Variants in CADPS observed in about 807,000 individuals in gnomAD.
The protein encoded by CADPS is calcium-dependent secretion activator 1.
In CADPS, 57 loss-of-function variants were observed where a neutral mutation model predicts 167.3. The observed-to-expected ratio is 0.34, with a 90% CI of 0.28 to 0.42. CADPS has a LOEUF of 0.42. Among genes scored for constraint, CADPS ranks in the 20% least tolerant of loss-of-function variants. The pLI is 1.00. For synonymous variants in CADPS, 676 were observed against 635.3 expected, an observed-to-expected ratio of 1.06 and a Z score of -0.96; for missense variants, 1,414 against 1,738.1, an observed-to-expected ratio of 0.81 and a Z score of 3.32.
intron 1 of CADPS, among the ~76,000 whole-genome samples, chr3:62,871,987 G>T (rs1276016443): frequency 2.6e-5 from 4 of 152,258 alleles, no homozygotes; most frequent in East Asian, 3.9e-4. Flanking sequence ...TTGTGATATA[G>T]ATTATTTGGT....
intron 1 of CADPS, among the ~76,000 whole-genome samples, chr3:62,777,658 G>A (rs1306585982): frequency 1.3e-5 from 2 of 152,098 alleles, no homozygotes; most frequent in Non-Finnish European, 2.9e-5. Flanking sequence ...CGGAGTATAC[G>A]GGAACTCTTC....
intron 3 of CADPS, among the ~76,000 whole-genome samples, chr3:62,729,371 C>T (rs545465077): frequency 6.6e-6 from 1 of 151,966 alleles, no homozygotes; most frequent in East Asian, 1.9e-4. Flanking sequence ...TGCAAATGCC[C>T]TTAACTGAAA....
intron 1 of CADPS, among the ~76,000 whole-genome samples, chr3:62,810,108 C>T (rs911182517): frequency 6.6e-6 from 1 of 152,132 alleles, no homozygotes; most frequent in Non-Finnish European, 1.5e-5. Flanking sequence ...AAGCCACTAC[C>T]ATTACGGGCC....
At chr3:62,664,169 G>T (rs1257451473) in intron 3 of CADPS, among the ~76,000 whole-genome samples, 1 of 152,116 alleles carries the variant, frequency 6.6e-6, no homozygotes, top group Admixed American at 6.5e-5. Context: ...ATTGTGCCCA[G>T]CTAATTTTTG....
At chr3:62,820,176 C>T (rs2094834230) in intron 1 of CADPS, among the ~76,000 whole-genome samples, 1 of 152,116 alleles carries the variant, frequency 6.6e-6, no homozygotes, top group East Asian at 1.9e-4. Context: ...GGGTATAATC[C>T]TGTGTTGGGT....
At chr3:62,654,334 G>A (rs1262880609) in intron 4 of CADPS, among the ~76,000 whole-genome samples, 2 of 152,174 alleles carry the variant, frequency 1.3e-5, no homozygotes, top group African/African-American at 2.4e-5. Flanking sequence ...GGTAGGTACT[G>A]TAATGGAAGT....
chr3:62,744,622 A>T (rs1316023216), intron 3 of CADPS, among the ~76,000 whole-genome samples: 2 of 152,230 alleles, frequency 1.3e-5, no homozygotes, highest in Non-Finnish European at 2.9e-5. Flanking sequence ...AAGGTAGAAA[A>T]AAGCAGAAAA....
intron 12 of CADPS, among the ~76,000 whole-genome samples, chr3:62,533,532 G>A (rs895612340): frequency 2.0e-5 from 3 of 152,250 alleles, no homozygotes; most frequent in East Asian, 1.9e-4. Flanking sequence ...AACTCTGTAA[G>A]GTAGACAGAG....
intron 3 of CADPS, among the ~76,000 whole-genome samples, chr3:62,678,507 A>T (rs2076658996): frequency 6.6e-6 from 1 of 151,762 alleles, no homozygotes. Flanking sequence ...TTTTTTTTCC[A>T]CTGGAATGAG....
chr3:62,852,912 A>G (rs1042417969), intron 1 of CADPS, among the ~76,000 whole-genome samples: 5 of 152,250 alleles, frequency 3.3e-5, no homozygotes, highest in Non-Finnish European at 5.9e-5. Flanking sequence ...GAGATATGTT[A>G]CTGTTATTTC....
chr3:62,408,621 C>T (rs1017391016), intron 28 of CADPS, among the ~76,000 whole-genome samples: 3 of 152,176 alleles, frequency 2.0e-5, no homozygotes, highest in South Asian at 2.1e-4. Context: ...ATTGCTACTG[C>T]GGTTATGTCT....
At chr3:62,452,747 T>A (rs1044211271) in intron 26 of CADPS, among the ~76,000 whole-genome samples, 1 of 152,124 alleles carries the variant, frequency 6.6e-6, no homozygotes, top group Non-Finnish European at 1.5e-5. Context: ...GAGAAGTGGA[T>A]GATGTAAAGT....
chr3:62,666,836 GC>G (rs1395864998), intron 3 of CADPS, among the ~76,000 whole-genome samples: 2 of 152,126 alleles, frequency 1.3e-5, no homozygotes, highest in Non-Finnish European at 1.5e-5. Context: ...TTACTGTAGG[GC>G]CAATTTAAAC....
chr3:62,853,071 T>G (rs2078949049), intron 1 of CADPS, among the ~76,000 whole-genome samples: 1 of 152,216 alleles, frequency 6.6e-6, no homozygotes, highest in Non-Finnish European at 1.5e-5. Flanking sequence ...AAATGCTTTA[T>G]CTTGCACTTG....
At chr3:62,712,966 A>G (rs1327354729) in intron 3 of CADPS, among the ~76,000 whole-genome samples, 1 of 152,214 alleles carries the variant, frequency 6.6e-6, no homozygotes, top group Non-Finnish European at 1.5e-5. Flanking sequence ...AACCTGGCCA[A>G]TTCTGAGAAT....
At chr3:62,445,915 A>G in intron 26 of CADPS, 118 bp from the exon 27 acceptor site, 1 of 615,222 alleles carries the variant, frequency 1.6e-6, no homozygotes, top group Non-Finnish European at 2.6e-6. Flanking sequence ...GCTGACCAGG[A>G]AAAACAGAAA....
At chr3:62,586,729 T>C (rs1252759057) in intron 7 of CADPS, among the ~76,000 whole-genome samples, 3 of 152,240 alleles carry the variant, frequency 2.0e-5, no homozygotes, top group African/African-American at 7.2e-5. Context: ...TTTTTGATCA[T>C]GCCCTACTTT....
chr3:62,787,929 CTCA>C (rs2092611265), intron 1 of CADPS, among the ~76,000 whole-genome samples: 1 of 152,248 alleles, frequency 6.6e-6, no homozygotes, highest in East Asian at 1.9e-4. Flanking sequence ...CATCATCATC[CTCA>C]TCATGAAATC....
chr3:62,731,840 G>GAAGGAAGAAAGGA (rs1554126014), intron 3 of CADPS, among the ~76,000 whole-genome samples: 4 of 108,518 alleles, frequency 3.7e-5, no homozygotes, highest in Non-Finnish European at 5.8e-5. Context: ...AGTAAAGAAG[G>GAAGGAAGAAAGGA]AAGAAAGGAA....
Sources: gnomAD v4.1 joint callset for allele counts (sites outside exome capture counted in the v4.1 genomes callset) on GRCh38, gnomAD v4.1.1 for gene constraint, MANE v1.5 for transcripts, NCBI Gene and HGNC (gene_info 2026-07-23, HGNC 2026-07-21) for gene names.